The following SOBP variants were observed in gnomAD, a reference collection of about 807,000 sequenced individuals.
SOBP encodes sine oculis binding protein homolog, also known as sine oculis-binding protein homolog.
Under a neutral mutation model 53.6 loss-of-function variants are expected in SOBP, and 4 were observed. The observed-to-expected ratio is 0.07, with a 90% CI of 0.04 to 0.17. The LOEUF is 0.17. SOBP is among the 10% of genes least tolerant of loss of function. The pLI is 1.00. For missense variants in SOBP, 1,088 were observed against 1,204.7 expected, an observed-to-expected ratio of 0.90 and a Z score of 1.43; for synonymous variants, 584 against 522.6, an observed-to-expected ratio of 1.12 and a Z score of -1.60.
chr6:107,545,246 T>C (rs765199903), intron 4 of SOBP, among the ~76,000 whole-genome samples: 2 of 152,304 alleles, frequency 1.3e-5, no homozygotes, highest in African/African-American at 2.4e-5. Context: ...TGAAGAGATA[T>C]AGTTTTGTTA....
intron 4 of SOBP, among the ~76,000 whole-genome samples, chr6:107,583,007 G>A (rs1313343911): frequency 6.6e-6 from 1 of 152,224 alleles, no homozygotes; most frequent in African/African-American, 2.4e-5. Flanking sequence ...TGAAGGGGTC[G>A]TTGGTGTCCT....
intron 6 of SOBP, among the ~76,000 whole-genome samples, chr6:107,645,566 A>G (rs1289195306): frequency 1.3e-5 from 2 of 151,876 alleles, no homozygotes; most frequent in African/African-American, 4.8e-5. Context: ...TACAAGCAAC[A>G]TGCAGAACCT....
intron 5 of SOBP, among the ~76,000 whole-genome samples, chr6:107,616,503 T>A (rs1786796456): frequency 6.6e-6 from 1 of 152,248 alleles, no homozygotes; most frequent in Non-Finnish European, 1.5e-5. Context: ...GGTAGACAGC[T>A]GGGGACTTTT....
intron 1 of SOBP, among the ~76,000 whole-genome samples, chr6:107,503,055 T>C: frequency 6.6e-6 from 1 of 152,188 alleles, no homozygotes; most frequent in Non-Finnish European, 1.5e-5. Flanking sequence ...CCACCGTGCC[T>C]GGCCTGATTT....
intron 4 of SOBP, among the ~76,000 whole-genome samples, chr6:107,571,950 G>A (rs1247335622): frequency 6.6e-6 from 1 of 152,194 alleles, no homozygotes; most frequent in Non-Finnish European, 1.5e-5. Flanking sequence ...CAAGGGACGA[G>A]GAGAAATAGC....
chr6:107,615,453 C>T (rs934792729), intron 5 of SOBP, among the ~76,000 whole-genome samples: 6 of 152,124 alleles, frequency 3.9e-5, no homozygotes, highest in African/African-American at 9.7e-5. Flanking sequence ...CTTGAGGAAA[C>T]GACAGCCTTT....
At chr6:107,568,255 A>G (rs866110617) in intron 4 of SOBP, among the ~76,000 whole-genome samples, 1 of 152,268 alleles carries the variant, frequency 6.6e-6, no homozygotes. Flanking sequence ...ATAAACCTGG[A>G]CAATGCTAGT....
At chr6:107,498,631 C>G (rs889217636) in intron 1 of SOBP, among the ~76,000 whole-genome samples, 20 of 152,214 alleles carry the variant, frequency 1.3e-4, no homozygotes, top group African/African-American at 4.1e-4. Flanking sequence ...TTGTACAGTA[C>G]TTCCAGTTGA....
chr6:107,628,044 A>T (rs944051383), intron 5 of SOBP, among the ~76,000 whole-genome samples: 2 of 152,228 alleles, frequency 1.3e-5, no homozygotes. Flanking sequence ...CTGCCATGTA[A>T]TGAGTCAAGC....
In SOBP at chr6:107,647,299, A is replaced by T. The variant is rs188419012; in HGVS notation, c.*4-10908A>T. 1.9e-4 allele frequency among the ~76,000 whole-genome samples: 29 copies of T among 152,334 alleles called. No homozygotes were observed. In the East Asian group the frequency reaches 5.0e-3, roughly 26 times the overall value. On this transcript the variant is annotated intron_variant, in intron 6 of 6. Coordinates refer to ENST00000317357, the MANE Select transcript of SOBP (RefSeq NM_018013.4). The stretch of plus-strand genomic sequence containing the variant: ...GAGGCTTGGAGAGGTTAAGTATGCC[A>T]CCCAGAGTCATGTGGCCAGTAAATG...
intron 5 of SOBP, among the ~76,000 whole-genome samples, chr6:107,598,089 T>C (rs1176905664): frequency 1.3e-5 from 2 of 152,200 alleles, no homozygotes; most frequent in Non-Finnish European, 2.9e-5. Flanking sequence ...TTAAAAGTCA[T>C]GTGTTGCAGT....
At chr6:107,518,833 A>T (rs1783400831) in intron 3 of SOBP, among the ~76,000 whole-genome samples, 1 of 150,492 alleles carries the variant, frequency 6.6e-6, no homozygotes, top group Admixed American at 6.7e-5. Context: ...AGATTTCCAT[A>T]GTTTTTAAGA....
chr6:107,578,590 C>T (rs1785309258), intron 4 of SOBP, among the ~76,000 whole-genome samples: 1 of 152,138 alleles, frequency 6.6e-6, no homozygotes, highest in African/African-American at 2.4e-5. Context: ...AATGATAGTA[C>T]CTACTTCATA....
intron 3 of SOBP, among the ~76,000 whole-genome samples, chr6:107,515,560 G>A (rs1262894929): frequency 1.3e-5 from 2 of 152,078 alleles, no homozygotes; most frequent in East Asian, 1.9e-4. Flanking sequence ...ACCGGCCTGG[G>A]CAACATGGCA....
intron 3 of SOBP, among the ~76,000 whole-genome samples, chr6:107,509,276 C>T (rs1783090856): frequency 6.6e-6 from 1 of 152,024 alleles, no homozygotes; most frequent in African/African-American, 2.4e-5. Context: ...TGCCTGTAAT[C>T]CCAGCTTCTA....
At chr6:107,528,756 G>C (rs1031285994) in intron 3 of SOBP, among the ~76,000 whole-genome samples, 1 of 152,192 alleles carries the variant, frequency 6.6e-6, no homozygotes, top group Non-Finnish European at 1.5e-5. Context: ...CCTTTTTGTG[G>C]AGAGAGGTCT....
intron 6 of SOBP, among the ~76,000 whole-genome samples, chr6:107,656,773 T>G (rs1355787141): frequency 6.6e-6 from 1 of 152,206 alleles, no homozygotes; most frequent in African/African-American, 2.4e-5. Flanking sequence ...TCTTTGTGGC[T>G]CCATTTCTTC....
chr6:107,490,596 A>G lies in SOBP; in HGVS notation c.-21A>G. 6.3e-7 allele frequency: 1 copy of G among 1,581,758 alleles called. No homozygotes were observed. The highest frequency in any genetic ancestry group is 8.6e-7 in the Non-Finnish European group (1 of 1,160,742). On this transcript the variant is annotated 5_prime_UTR_variant, in exon 1 of 7. Coordinates refer to ENST00000317357, the MANE Select transcript of SOBP (RefSeq NM_018013.4). The stretch of plus-strand genomic sequence containing the variant: ...CGGCGGCAGCAGCCATTTCATCTCC[A>G]CAGAAACCAGACACAAAAACATGGC...
At position 107,633,616 on chromosome 6, in the gene SOBP, T is replaced by C; in HGVS notation, c.772T>C (p.Tyr258His). ...QFCSAKCLNQYKMDIFYKETQ... is the reference protein window; with the variant it reads ...QFCSAKCLNQHKMDIFYKETQ... Reference sequence around the variant, plus strand: ...CTGCAGTGCAAAATGTCTCAATCAATACAAAATGGACATTTTCTACAAAGA... The same window carrying C: ...CTGCAGTGCAAAATGTCTCAATCAACACAAAATGGACATTTTCTACAAAGA... Residue 258 changes from tyrosine (Y) to histidine (H), a missense_variant, in exon 6 of 7, where the codon TAC becomes CAC. Tyr to His is a moderately conservative substitution (Grantham distance 83). Around this residue, in one of 6 missense-constraint regions of SOBP, gnomAD observed 55 missense variants for 134.3 expected, o/e 0.41. Transcript: ENST00000317357. The C allele has an allele frequency of 6.2e-7, 1 of 1,614,212 alleles. No homozygotes were observed. The highest frequency in any genetic ancestry group is 8.5e-7 in the Non-Finnish European group (1 of 1,180,036).
Sources: gnomAD v4.1 joint callset for allele counts (sites outside exome capture counted in the v4.1 genomes callset) on GRCh38, gnomAD v4.1.1 for gene constraint, gnomAD v4.1.1 regional missense constraint, MANE v1.5 for transcripts, NCBI Gene and HGNC (gene_info 2026-07-23, HGNC 2026-07-21) for gene names.